Variants in IL17REL observed in about 807,000 individuals in gnomAD.
IL17REL encodes the protein interleukin 17 receptor E like.
A neutral mutation model predicts 49.0 loss-of-function variants in IL17REL; 36 were observed. The ratio of observed to expected loss-of-function variants is 0.73; its 90% confidence interval spans 0.56 to 0.97. The LOEUF is 0.97. Among genes scored for constraint, IL17REL ranks in the 50% least tolerant of loss-of-function variants. The pLI, the probability that IL17REL is intolerant of heterozygous loss-of-function variation, is 0.00. For synonymous variants in IL17REL, 206 were observed against 192.4 expected, an observed-to-expected ratio of 1.07 and a Z score of -0.58; for missense variants, 470 against 453.9, an observed-to-expected ratio of 1.04 and a Z score of -0.32.
At chr22:50,000,378 C>A in intron 4 of IL17REL, 100 bp downstream of exon 5, 1 of 872,124 alleles carries the variant, frequency 1.1e-6, no homozygotes, top group Non-Finnish European at 1.9e-6. Flanking sequence ...GGGGATCTGT[C>A]CAGTGTGAGG....
intron 1 of IL17REL, among the ~76,000 whole-genome samples, chr22:50,002,775 G>A (rs574960124): frequency 6.6e-6 from 1 of 152,188 alleles, no homozygotes; most frequent in African/African-American, 2.4e-5. Flanking sequence ...GATAACAGGT[G>A]TGAGCCACCA....
Position 50,000,003 on chromosome 22 carries a change from C to T in IL17REL, c.335-36G>A, listed in dbSNP as rs1427179355. 3.4e-6 allele frequency: 5 copies of T among 1,452,594 alleles called. No individual in the cohort carries two copies. The African/African-American group carries it at 5.8e-5, about 17-fold the overall frequency. 90.0% of individuals were successfully genotyped at this position (1,452,594 alleles called of 1,614,324 possible). A position where few individuals can be genotyped will look rare whatever the true frequency, so the allele number is the denominator to read the frequency against. ...CGGCAAGTCGGGGCCGCGCTGGGAC[C>T]AGCGGTCACCGACGCGGGGCTCTGT... On this transcript the variant is annotated intron_variant, in intron 4 of 12. Coordinates refer to ENST00000341280, the Ensembl canonical transcript of IL17REL.
At chr22:50,002,324 C>A (rs2061084021) in intron 1 of IL17REL, among the ~76,000 whole-genome samples, 1 of 152,156 alleles carries the variant, frequency 6.6e-6, no homozygotes, top group Non-Finnish European at 1.5e-5. Context: ...TCTGTGCCCT[C>A]CTTACTCCAT....
intron 1 of IL17REL, among the ~76,000 whole-genome samples, chr22:50,005,746 A>G (rs1398978402): frequency 6.6e-6 from 1 of 152,026 alleles, no homozygotes; most frequent in Non-Finnish European, 1.5e-5. Context: ...CGGAAGTTGC[A>G]GTGAGCCGAG....
At chr22:50,005,968 T>C (rs1232483827) in intron 1 of IL17REL, among the ~76,000 whole-genome samples, 2 of 152,004 alleles carry the variant, frequency 1.3e-5, no homozygotes, top group African/African-American at 4.8e-5. Flanking sequence ...TTTAAAAACC[T>C]TCCTAGAAAC....
chr22:50,000,835 G>C, exon 3 of IL17REL: 1 of 1,595,284 alleles, frequency 6.3e-7, no homozygotes, highest in South Asian at 1.1e-5. Context: ...CCAGGCTCAT[G>C]GCACAGGCCT....
At chr22:50,007,388 T>C (rs1482236650) in intron 1 of IL17REL, among the ~76,000 whole-genome samples, 1 of 152,172 alleles carries the variant, frequency 6.6e-6, no homozygotes, top group Non-Finnish European at 1.5e-5. Context: ...TATGTTTTTA[T>C]GAGGCAGAGT....
chr22:50,010,681 CCG>C (rs2061134646), upstream of IL17REL, among the ~76,000 whole-genome samples: 2 of 152,200 alleles, frequency 1.3e-5, no homozygotes, highest in African/African-American at 2.4e-5. Context: ...AGGGCTGGCC[CCG>C]TGGCCCGAGT....
rs898126508 is a variant in IL17REL at position 49,999,208 on chromosome 22, C to T, written c.601+83G>A. 11 of 1,512,036 alleles carry T rather than the reference C, an allele frequency of 7.3e-6. No homozygotes were observed. The East Asian group carries it at 2.0e-4, about 28-fold the overall frequency. The allele number at this position is 1,512,036 out of a possible 1,614,324, so 93.7% of individuals were successfully genotyped here. On this transcript the variant is annotated intron_variant, in intron 7 of 12. Transcript: ENST00000341280. ...GGCTGGGCCTGCTCCTTATCTCATCCCCCCACGTCAGTCCTCATGGTGGAG... is the reference window on the plus strand; with the variant it reads ...GGCTGGGCCTGCTCCTTATCTCATCTCCCCACGTCAGTCCTCATGGTGGAG...
intron 1 of IL17REL, among the ~76,000 whole-genome samples, chr22:50,007,545 G>T (rs137860): frequency 0.18 from 22,806 of 126,316 alleles, 1,949 homozygotes; most frequent in Middle Eastern, 0.41. Context: ...TAATTTTTTT[G>T]GGGGGGGGAT....
exon 2 of IL17REL, chr22:50,001,157 A>G (rs868757662): frequency 6.2e-7 from 1 of 1,606,220 alleles, no homozygotes; most frequent in East Asian, 2.2e-5. Context: ...ATGGCAGTGG[A>G]GGACGTCAGG....
chr22:49,999,818 G>C lies in IL17REL; in HGVS notation c.474+10C>G. On this transcript the variant is annotated intron_variant, in intron 5 of 12. Coordinates refer to ENST00000341280, the Ensembl canonical transcript of IL17REL. Reference sequence around the variant, plus strand: ...TAAGGCTGACCGGGGCCCGGGGCGCGGGCGCTCACTCGCACAGGGGCGCCG... The same window carrying C: ...TAAGGCTGACCGGGGCCCGGGGCGCCGGCGCTCACTCGCACAGGGGCGCCG... 2 of 1,495,926 alleles carry C rather than the reference G, an allele frequency of 1.3e-6. No homozygotes were observed. Among genetic ancestry groups the C allele is most frequent in the South Asian group, 1.3e-5 (1 of 78,486 alleles). The allele number at this position is 1,495,926 out of a possible 1,614,324, so 92.7% of individuals were successfully genotyped here. A position where few individuals can be genotyped will look rare whatever the true frequency, so the allele number is the denominator to read the frequency against.
chr22:50,012,164 G>C (rs1473484027), upstream of IL17REL, among the ~76,000 whole-genome samples: 1 of 152,192 alleles, frequency 6.6e-6, no homozygotes, highest in Non-Finnish European at 1.5e-5. Flanking sequence ...CACGTTCTCC[G>C]AGTGTTTCCT....
At chr22:50,000,798 C>T (rs777119156) in exon 3 of IL17REL, 28 of 1,603,328 alleles carry the variant, frequency 1.7e-5, no homozygotes, top group Middle Eastern at 1.8e-4. Flanking sequence ...GCCACCCACA[C>T]GCTCTGACAC....
At chr22:50,001,135 G>T in exon 2 of IL17REL, 1 of 1,607,018 alleles carries the variant, frequency 6.2e-7, no homozygotes, top group Non-Finnish European at 8.5e-7. Flanking sequence ...GCCGTCAGAG[G>T]GGACACACTG....
At position 49,999,813 on chromosome 22, in the gene IL17REL, G is replaced by A. The variant is rs998979965; in HGVS notation, c.474+15C>T. The A allele has an allele frequency of 2.0e-6, 3 of 1,494,932 alleles. No homozygotes were observed. Among genetic ancestry groups the A allele is most frequent in the Admixed American group, 2.2e-5 (1 of 44,658 alleles). 92.6% of individuals were successfully genotyped at this position (1,494,932 alleles called of 1,614,324 possible). ...GGGCCTAAGGCTGACCGGGGCCCGG[G>A]GCGCGGGCGCTCACTCGCACAGGGG... On this transcript the variant is annotated intron_variant, in intron 5 of 12. Coordinates refer to ENST00000341280, the Ensembl canonical transcript of IL17REL.
chr22:50,003,622 T>G (rs1312546167), intron 1 of IL17REL, among the ~76,000 whole-genome samples: 1 of 151,282 alleles, frequency 6.6e-6, no homozygotes, highest in Non-Finnish European at 1.5e-5. Flanking sequence ...TAAAAACCAC[T>G]TATCATCTCA....
chr22:49,999,797 G>C, intron 5 of IL17REL, 31 bp downstream of exon 7: 2 of 1,472,010 alleles, frequency 1.4e-6, no homozygotes, highest in Non-Finnish European at 1.8e-6. Context: ...GGGGCCTAAG[G>C]CTGACCGGGG....
At chr22:50,010,795 G>C (rs964043237), upstream of IL17REL, among the ~76,000 whole-genome samples, 3 of 109,914 alleles carry the variant, frequency 2.7e-5, no homozygotes, top group African/African-American at 3.9e-5. Flanking sequence ...GGGCGCGCTG[G>C]GGGGAAGGTG....
Sources: gnomAD v4.1 joint callset for allele counts (sites outside exome capture counted in the v4.1 genomes callset) on GRCh38, gnomAD v4.1.1 for gene constraint, MANE v1.5 for transcripts, NCBI Gene and HGNC (gene_info 2026-07-23, HGNC 2026-07-21) for gene names.